ATP6V1B1: variants seen among roughly 807,000 people sequenced by gnomAD.
ATP6V1B1 encodes the protein V-type proton ATPase subunit B, kidney isoform.
ATP6V1B1 carries 41 observed loss-of-function variants against 62.1 expected under a neutral mutation model. That is an observed-to-expected ratio of 0.66 (90% CI 0.51 to 0.86). The LOEUF is 0.86. Ranked by LOEUF, ATP6V1B1 falls within the 40% of genes least tolerant of loss-of-function variation. The pLI is 0.00. For missense variants in ATP6V1B1, 651 were observed against 697.5 expected, an observed-to-expected ratio of 0.93 and a Z score of 0.75; for synonymous variants, 253 against 273.4, an observed-to-expected ratio of 0.93 and a Z score of 0.74.
chr2:70,942,118 AC>A, intron 1 of ATP6V1B1: 1 of 916,824 alleles, frequency 1.1e-6, no homozygotes, highest in African/African-American at 1.7e-5. Flanking sequence ...CTGGTCCTTC[AC>A]CCCATGGAGT....
chr2:70,958,388 G>A lies in ATP6V1B1; in HGVS notation c.329G>A (p.Gly110Glu), dbSNP rs781926766. Residue 110 changes from glycine to glutamate, a missense_variant, in exon 4 of 14, where the codon GGG (glycine) becomes GAG (glutamate). Gly to Glu is a moderately conservative substitution (Grantham distance 98). Coordinates refer to ENST00000234396, the MANE Select transcript of ATP6V1B1 (RefSeq NM_001692.4). ...DARKTTCEFT[G>E]DILRTPVSED... ...AGGAAGACCACTTGCGAATTTACAG[G>A]GGACATCCTACGAACTCCGGTGTCA... The A allele has an allele frequency of 5.6e-6, 9 of 1,613,922 alleles. No homozygotes were observed. The highest frequency in any genetic ancestry group is 3.3e-5 in the Admixed American group (2 of 59,988).
chr2:70,941,182 T>A (rs1275293264), intron 1 of ATP6V1B1: 1 of 807,052 alleles, frequency 1.2e-6, no homozygotes, highest in African/African-American at 1.9e-5. Flanking sequence ...CCTCCCAGAG[T>A]GCTGGGATTA....
intron 1 of ATP6V1B1, chr2:70,941,876 A>G: frequency 1.0e-6 from 1 of 986,566 alleles, no homozygotes. Flanking sequence ...TCCAAAGGAC[A>G]GTGCACCCAG....
rs1200419291 is a variant in ATP6V1B1, at chr2:70,938,721, G to A, written c.118+2649G>A. ...CCGTGGAGCTAGAATGGTTCCCCAA[G>A]GGCCTTGGCTCCCGGCTGGGGAGGA... is the stretch of plus-strand genomic sequence containing the variant. On this transcript the variant is annotated intron_variant, in intron 1 of 13. Transcript: ENST00000234396. 3 of 985,266 alleles carry A rather than the reference G, an allele frequency of 3.0e-6. No homozygotes were observed. The African/African-American group carries it at 5.2e-5, about 17-fold the overall frequency. The allele number at this position is 985,266 out of a possible 1,614,324, so 61.0% of individuals were successfully genotyped here.
intron 2 of ATP6V1B1, among the ~76,000 whole-genome samples, chr2:70,946,606 T>G (rs1280836632): frequency 6.6e-6 from 1 of 152,198 alleles, no homozygotes; most frequent in Admixed American, 6.5e-5. Flanking sequence ...TAAATAATAA[T>G]AGGATTATTG....
intron 12 of ATP6V1B1, 77 bp from the exon 13 acceptor site, chr2:70,964,659 C>T (rs1680675096): frequency 6.2e-7 from 1 of 1,612,446 alleles, no homozygotes; most frequent in Non-Finnish European, 8.5e-7. Context: ...AACGGGGTCC[C>T]AGTGTGGCCA....
intron 1 of ATP6V1B1, among the ~76,000 whole-genome samples, chr2:70,938,189 A>G (rs1679904058): frequency 6.6e-6 from 1 of 151,736 alleles, no homozygotes. Flanking sequence ...GTGTCCCTTC[A>G]TCCACAGTGT....
In ATP6V1B1 at chr2:70,963,244, G is replaced by A. The variant is rs148429410; in HGVS notation, c.992G>A (p.Arg331Gln). The change falls in exon 10 of 14, where the codon CGG (arginine) becomes CAG (glutamine). Residue 331 changes from arginine (R) to glutamine (Q), a missense_variant. Physicochemically the swap from Arg to Gln is conservative, Grantham distance 43 (BLOSUM62 1). Coordinates refer to ENST00000234396, the MANE Select transcript of ATP6V1B1 (RefSeq NM_001692.4). The surrounding 1 kb of genome is among the most constrained non-coding windows in gnomAD (Gnocchi z 4.3). ...MYTDLATIYE[R>Q]AGRVEGRGGS... Reference sequence around the variant, plus strand: ...ACAGACCTGGCCACCATCTACGAGCGGGCGGGCCGCGTGGAGGGTCGGGGA... The same window carrying A: ...ACAGACCTGGCCACCATCTACGAGCAGGCGGGCCGCGTGGAGGGTCGGGGA... 126 of 1,613,766 alleles carry A rather than the reference G, an allele frequency of 7.8e-5. 1 individual carries two copies. The highest frequency in any genetic ancestry group is 6.6e-4 in the Middle Eastern group (4 of 6,084).
In ATP6V1B1 at chr2:70,964,751, A is replaced by C; in HGVS notation, c.1264A>C (p.Ile422Leu). The C allele has an allele frequency of 6.2e-7, 1 of 1,613,942 alleles. No homozygotes were observed. The highest frequency in any genetic ancestry group is 2.2e-5 in the East Asian group (1 of 44,868). The change falls in exon 13 of 14, where the codon ATC (isoleucine) becomes CTC (leucine). Residue 422 changes from isoleucine (I) to leucine (L), a missense_variant. By Grantham distance (5) the Ile-to-Leu change is conservative. Transcript: ENST00000234396. Reference sequence around the variant, plus strand: ...CCTCCCCCAGTACGCCTGCTATGCCATCGGGAAGGACGTGCAGGCCATGAA... The same window carrying C: ...CCTCCCCCAGTACGCCTGCTATGCCCTCGGGAAGGACGTGCAGGCCATGAA... ...VSNQLYACYA[I>L]GKDVQAMKAV...
intron 1 of ATP6V1B1, chr2:70,943,340 G>A: frequency 1.1e-5 from 6 of 545,996 alleles, no homozygotes; most frequent in Non-Finnish European, 1.3e-5. Flanking sequence ...AGTGGGTGAG[G>A]TGGGGGTTGA....
intron 3 of ATP6V1B1, 35 bp downstream of exon 3, chr2:70,958,179 T>C (rs1553419401): frequency 1.2e-6 from 2 of 1,606,914 alleles, no homozygotes; most frequent in Non-Finnish European, 8.5e-7. Flanking sequence ...GCTAGTTAAA[T>C]CAATGAATTA....
chr2:70,954,792 T>G (rs1680397340), intron 2 of ATP6V1B1, among the ~76,000 whole-genome samples: 1 of 152,124 alleles, frequency 6.6e-6, no homozygotes, highest in African/African-American at 2.4e-5. Context: ...CCCATTAATT[T>G]TAGTTGGATT....
chr2:70,960,773 C>T lies in ATP6V1B1; in HGVS notation c.586-148C>T. The stretch of plus-strand genomic sequence containing the variant: ...GCAGCCCACAATAACTCCCACCCCC[C>T]ACCCCAAGAAAGACTAGCACCTGGG... On this transcript the variant is annotated intron_variant, in intron 6 of 13. Coordinates refer to ENST00000234396, the MANE Select transcript of ATP6V1B1 (RefSeq NM_001692.4). The T allele has an allele frequency of 1.4e-5, 4 of 277,686 alleles. 1 individual carries two copies. Among genetic ancestry groups the T allele is most frequent in the South Asian group, 2.9e-5 (1 of 35,010 alleles). 17.2% of individuals were successfully genotyped at this position (277,686 alleles called of 1,614,324 possible). A position where few individuals can be genotyped will look rare whatever the true frequency, so the allele number is the denominator to read the frequency against.
Position 70,935,946 on chromosome 2 carries a change from G to A in ATP6V1B1, c.-9G>A. ...CTCAGACACTGGGCTCCCAGCTGGG[G>A]ACTGCTCCATGGCCATGGAGATAGA... is the stretch of plus-strand genomic sequence containing the variant. On this transcript the variant is annotated 5_prime_UTR_variant, in exon 1 of 14. Coordinates refer to ENST00000234396, the MANE Select transcript of ATP6V1B1 (RefSeq NM_001692.4). The A allele has an allele frequency of 6.2e-7, 1 of 1,610,536 alleles. No individual in the cohort carries two copies.
rs1553420690 is a variant in ATP6V1B1 at position 70,964,485 on chromosome 2, G to C, written c.1191G>C (p.Lys397Asn). Reference protein sequence around the residue: ...NVLPSLSRLMKSAIGEGMTRK... With the variant: ...NVLPSLSRLMNSAIGEGMTRK... ...TCCCTTCCCTGTCGCGGCTGATGAAGTCAGCCATTGGGGAAGGCATGACAA... is the reference window on the plus strand; with the variant it reads ...TCCCTTCCCTGTCGCGGCTGATGAACTCAGCCATTGGGGAAGGCATGACAA... Residue 397 changes from lysine (K) to asparagine (N), a missense_variant, in exon 12 of 14, where the codon AAG (lysine) becomes AAC (asparagine). Coordinates refer to ENST00000234396, the MANE Select transcript of ATP6V1B1 (RefSeq NM_001692.4). 6.2e-7 allele frequency: 1 copy of C among 1,614,182 alleles called. No individual in the cohort carries two copies. Among genetic ancestry groups the C allele is most frequent in the Non-Finnish European group, 8.5e-7 (1 of 1,180,044 alleles).
In ATP6V1B1 at chr2:70,960,070, C is replaced by A. The variant is rs782810024; in HGVS notation, c.577C>A (p.His193Asn). 3.1e-6 allele frequency: 5 copies of A among 1,614,056 alleles called. No homozygotes were observed. Among genetic ancestry groups the A allele is most frequent in the African/African-American group, 1.3e-5 (1 of 74,938 alleles). Residue 193 changes from histidine (H) to asparagine (N), a missense_variant, in exon 6 of 14, where the codon CAC becomes AAC. Coordinates refer to ENST00000234396, the MANE Select transcript of ATP6V1B1 (RefSeq NM_001692.4). ...IPIFSAAGLP[H>N]NEIAAQICRQ... is the part of the protein sequence containing the mutation. The stretch of plus-strand genomic sequence containing the variant: ...CATCTTCTCAGCAGCCGGGCTCCCC[C>A]ACAATGAGGTGAGGCCTGCAGGGCC...
chr2:70,940,447 G>A (rs10165187), intron 1 of ATP6V1B1: 203,773 of 983,334 alleles, frequency 0.21, 23,146 homozygotes, highest in East Asian at 0.54. Flanking sequence ...CAGCTCTCCC[G>A]GGGGCTTATA....
chr2:70,943,413 A>C, intron 1 of ATP6V1B1: 1 of 644,100 alleles, frequency 1.6e-6, no homozygotes. Context: ...GACTCTGAGG[A>C]GGCCTCTGCC....
chr2:70,964,076 G>A (rs534271752), intron 11 of ATP6V1B1: 102 of 380,738 alleles, frequency 2.7e-4, no homozygotes, highest in South Asian at 2.6e-3. Context: ...GTAGGTTAAA[G>A]GTGACCTCTA....
Sources: allele counts gnomAD v4.1 joint callset (sites outside exome capture counted in the v4.1 genomes callset), GRCh38; gene constraint gnomAD v4.1.1; non-coding constraint Gnocchi (gnomAD v3.1); transcripts MANE v1.5; gene names NCBI Gene and HGNC (gene_info 2026-07-23, HGNC 2026-07-21).